UPP2: variants seen among roughly 807,000 people sequenced by gnomAD.
The protein encoded by UPP2 is uridine phosphorylase 2.
UPP2 carries 23 observed loss-of-function variants against 26.7 expected under a neutral mutation model. The observed-to-expected ratio is 0.86, with a 90% CI of 0.62 to 1.22. The LOEUF (loss-of-function observed/expected upper bound fraction) is 1.22, where lower values mean the gene tolerates loss of function less well. UPP2 is among the 50% of genes most tolerant of loss of function. The pLI is 0.00. For synonymous variants in UPP2, 127 were observed against 141.3 expected (o/e 0.90, Z 0.72); for missense variants, 387 against 396.7 (o/e 0.98, Z 0.21).
At chr2:158,014,351 C>A (rs1036390946) in intron 2 of UPP2, among the ~76,000 whole-genome samples, 1 of 152,172 alleles carries the variant, frequency 6.6e-6, no homozygotes, top group African/African-American at 2.4e-5. Context: ...CAAATACTCT[C>A]CAGAATCATT....
chr2:158,023,243 T>G (rs1683784016), intron 3 of UPP2, among the ~76,000 whole-genome samples: 1 of 128,128 alleles, frequency 7.8e-6, no homozygotes, highest in Non-Finnish European at 1.7e-5. Flanking sequence ...GGGGGGGCAT[T>G]TGGAAGGCTT....
At chr2:158,036,066 G>T (rs2105160107) in intron 3 of UPP2, among the ~76,000 whole-genome samples, 1 of 152,236 alleles carries the variant, frequency 6.6e-6, no homozygotes, top group African/African-American at 2.4e-5. Context: ...GATCCTAAAA[G>T]AACTCAAGCT....
intron 3 of UPP2, among the ~76,000 whole-genome samples, chr2:158,080,353 T>C (rs1400085739): frequency 6.6e-6 from 1 of 152,168 alleles, no homozygotes; most frequent in African/African-American, 2.4e-5. Context: ...TCCATTTGGC[T>C]TTAAAACAAT....
At chr2:158,008,326 T>C (rs1345375269) in intron 2 of UPP2, among the ~76,000 whole-genome samples, 1 of 152,248 alleles carries the variant, frequency 6.6e-6, no homozygotes, top group East Asian at 1.9e-4. Context: ...AGATCAATAA[T>C]TACCTTTTGG....
intron 3 of UPP2, among the ~76,000 whole-genome samples, chr2:158,116,904 G>T (rs114595953): frequency 6.7e-6 from 1 of 149,292 alleles, no homozygotes; most frequent in Non-Finnish European, 1.5e-5. Context: ...AACCAGAAAG[G>T]GGTAACGCAG....
chr2:158,102,838 C>T (rs1340471266), intron 1 of UPP2, among the ~76,000 whole-genome samples: 2 of 152,106 alleles, frequency 1.3e-5, no homozygotes, highest in Non-Finnish European at 2.9e-5. Flanking sequence ...AGGTAGCCTC[C>T]TGCATGTTCC....
upstream of UPP2, among the ~76,000 whole-genome samples, chr2:158,100,245 T>G (rs1386232918): frequency 6.6e-6 from 1 of 152,226 alleles, no homozygotes; most frequent in Non-Finnish European, 1.5e-5. Context: ...CCTAAATGTC[T>G]GACCGAGTTG....
intron 3 of UPP2, among the ~76,000 whole-genome samples, chr2:158,062,074 A>G (rs539627547): frequency 5.3e-5 from 8 of 152,364 alleles, no homozygotes; most frequent in African/African-American, 1.9e-4. Context: ...ATAGTATTGA[A>G]TAATTGTGAC....
intron 4 of UPP2, among the ~76,000 whole-genome samples, chr2:158,120,818 G>C (rs553440930): frequency 6.6e-6 from 1 of 151,886 alleles, no homozygotes; most frequent in African/African-American, 2.4e-5. Flanking sequence ...GTGAAAAGGT[G>C]GGGGGAGGAG....
At chr2:158,015,454 T>C (rs970559343) in intron 2 of UPP2, among the ~76,000 whole-genome samples, 10 of 152,338 alleles carry the variant, frequency 6.6e-5, no homozygotes, top group Admixed American at 5.9e-4. Flanking sequence ...CCACTGTATG[T>C]ATATGCCACA....
intron 2 of UPP2, among the ~76,000 whole-genome samples, chr2:158,008,829 T>G (rs1683532882): frequency 6.6e-6 from 1 of 152,230 alleles, no homozygotes; most frequent in Admixed American, 6.5e-5. Flanking sequence ...CTTTCAATAA[T>G]TTTGTAGTTG....
At position 158,121,437 on chromosome 2, in the gene UPP2, G is replaced by A. The variant is rs748076380; in HGVS notation, c.483G>A (p.Thr161=). The A allele has an allele frequency of 1.7e-5, 27 of 1,613,154 alleles. 1 individual carries two copies. Among genetic ancestry groups the A allele is most frequent in the Admixed American group, 5.0e-5 (3 of 59,992 alleles). ...IGIAPGTVVI[T]DIAVDSFFKP... is the part of the protein sequence containing the mutation. ...TTGCACCAGGGACTGTTGTAATAAC[G>A]GATATAGCTGTAGACTCCTTCTTTA... Residue 161 remains threonine, a synonymous_variant, in exon 5 of 7, where the codon ACG becomes ACA. Transcript: ENST00000005756.
In UPP2 at chr2:158,135,976, A is replaced by G. The variant is rs1266173778; in HGVS notation, c.*1086A>G. On this transcript the variant is annotated 3_prime_UTR_variant, in exon 7 of 7. Transcript: ENST00000005756. ...GTTTAATTCCAACACAGTACAGATT[A>G]TTTGGATCCCAGAGCCATTGTCACA... The G allele has an allele frequency of 2.0e-5, 3 of 152,204 alleles. No homozygotes were observed. Among genetic ancestry groups the G allele is most frequent in the Admixed American group, 2.0e-4 (3 of 15,284 alleles). 9.4% of individuals were successfully genotyped at this position (152,204 alleles called of 1,614,324 possible).
intron 6 of UPP2, among the ~76,000 whole-genome samples, chr2:158,127,685 G>A (rs1399176442): frequency 6.6e-6 from 1 of 152,186 alleles, no homozygotes; most frequent in Non-Finnish European, 1.5e-5. Flanking sequence ...CTCTGGGTCT[G>A]TCAACATTTG....
At chr2:158,092,003 C>T (rs1425224137) in intron 3 of UPP2, among the ~76,000 whole-genome samples, 1 of 152,100 alleles carries the variant, frequency 6.6e-6, no homozygotes, top group East Asian at 1.9e-4. Context: ...CAACTAACCA[C>T]AGATAGGTTA....
At chr2:158,055,175 G>T (rs1440618164) in intron 3 of UPP2, among the ~76,000 whole-genome samples, 1 of 152,198 alleles carries the variant, frequency 6.6e-6, no homozygotes, top group Non-Finnish European at 1.5e-5. Context: ...TATTGCTGGT[G>T]GGGGCTCTCC....
chr2:158,076,337 C>T (rs1380151020), intron 3 of UPP2, among the ~76,000 whole-genome samples: 1 of 151,968 alleles, frequency 6.6e-6, no homozygotes, highest in African/African-American at 2.4e-5. Context: ...CACTATTACC[C>T]TCATACCAGA....
intron 3 of UPP2, among the ~76,000 whole-genome samples, chr2:158,057,245 T>G (rs1682260516): frequency 6.6e-6 from 1 of 152,216 alleles, no homozygotes; most frequent in Non-Finnish European, 1.5e-5. Flanking sequence ...CTTTCCACAT[T>G]GTGCATTTTG....
chr2:158,012,079 CT>C (rs1683588097), intron 2 of UPP2, among the ~76,000 whole-genome samples: 1 of 152,044 alleles, frequency 6.6e-6, no homozygotes, highest in African/African-American at 2.4e-5. Flanking sequence ...GCGGTCCTGC[CT>C]TTAGTGTTTG....
Sources: allele counts gnomAD v4.1 joint callset (sites outside exome capture counted in the v4.1 genomes callset), GRCh38; gene constraint gnomAD v4.1.1; transcripts MANE v1.5; gene names NCBI Gene and HGNC (gene_info 2026-07-23, HGNC 2026-07-21).